SBNO2: variants seen among roughly 807,000 people sequenced by gnomAD.
The protein encoded by SBNO2 is strawberry notch homolog 2.
Under a neutral mutation model 146.3 loss-of-function variants are expected in SBNO2, and 89 were observed. The ratio of observed to expected loss-of-function variants is 0.61; its 90% CI spans 0.51 to 0.73. The LOEUF (loss-of-function observed/expected upper bound fraction) is 0.73, where lower values mean the gene tolerates loss of function less well. Ranked by LOEUF, SBNO2 falls within the 30% of genes least tolerant of loss-of-function variation. The probability of loss-of-function intolerance (pLI) is 0.00; values close to 1 mark genes in which losing one functional copy is unlikely to be tolerated. For synonymous variants in SBNO2, 1,147 were observed against 892.6 expected, an observed-to-expected ratio of 1.29 and a Z score of -5.08; for missense variants, 2,092 against 2,003.7, an observed-to-expected ratio of 1.04 and a Z score of -0.84.
rs1379386419 is a variant in SBNO2, at chr19:1,147,391, C to A, written c.197G>T (p.Gly66Val). Residue 66 changes from glycine (G) to valine (V), a missense_variant, in exon 4 of 32, where the codon GGC becomes GTC. Physicochemically the swap from Gly to Val is moderately radical, Grantham distance 109. Coordinates refer to ENST00000361757, the MANE Select transcript of SBNO2 (RefSeq NM_014963.3). ...GCTGGTGTCTGGGCAGGGCTGGCTG[C>A]CGAGGAAGGAGGCGGAGCTCATGAA... Reference protein sequence around the residue: ...RPFMSSASFLGSQPCPDTSYA... With the variant: ...RPFMSSASFLVSQPCPDTSYA... 6.6e-7 allele frequency: 1 copy of A among 1,513,960 alleles called. No individual in the cohort carries two copies. Among genetic ancestry groups the A allele is most frequent in the Admixed American group, 2.4e-5 (1 of 40,970 alleles). 93.8% of individuals were successfully genotyped at this position (1,513,960 alleles called of 1,614,324 possible).
rs2079848286 is a variant in SBNO2 at position 1,117,541 on chromosome 19, T to TGGCTCCC, written c.1528-49_1528-43dup. 5.9e-6 allele frequency: 9 copies of TGGCTCCC among 1,520,066 alleles called. No homozygotes were observed. The East Asian group carries it at 2.0e-4, about 33-fold the overall frequency. The allele number at this position is 1,520,066 out of a possible 1,614,324, so 94.2% of individuals were successfully genotyped here. A position where few individuals can be genotyped will look rare whatever the true frequency, so the allele number is the denominator to read the frequency against. On this transcript the variant is annotated intron_variant, in intron 14 of 31. Transcript: ENST00000361757. The stretch of plus-strand genomic sequence containing the variant: ...CAAGGCGCCCCTGAGCTGTGGCTCC[T>TGGCTCCC]GGCTCCCGACCCGGGCCCCGGCCCA...
rs531566388 is a variant in SBNO2 at position 1,140,784 on chromosome 19, G to A, written c.279+6525C>T. Among the ~76,000 whole-genome samples the A allele has an allele frequency of 3.3e-3, 495 of 151,878 alleles. No individual in the cohort carries two copies. Among genetic ancestry groups the A allele is most frequent in the Non-Finnish European group, 5.6e-3 (380 of 67,886 alleles). On this transcript the variant is annotated intron_variant, in intron 4 of 31. Coordinates refer to ENST00000361757, the MANE Select transcript of SBNO2 (RefSeq NM_014963.3). The surrounding 1 kb of genome is among the most constrained non-coding windows in gnomAD (Gnocchi z 4.4). ...CTTGGGCAGGACCAGCCTCTGCTCA[G>A]CCTTGGGTCTTCCCCCAGGCTGAGA... is the stretch of plus-strand genomic sequence containing the variant.
intron 4 of SBNO2, among the ~76,000 whole-genome samples, chr19:1,143,575 C>G (rs1189530301): frequency 6.6e-6 from 1 of 150,672 alleles, no homozygotes; most frequent in Non-Finnish European, 1.5e-5. Flanking sequence ...GCAGGTCCCT[C>G]CCGGGGGCTC....
chr19:1,132,006 G>C (rs1599850616), intron 4 of SBNO2: 12 of 1,077,368 alleles, frequency 1.1e-5, no homozygotes, highest in Non-Finnish European at 1.5e-5. Flanking sequence ...TGCTCCGGCA[G>C]GGGGCCCGGC....
At chr19:1,164,624 C>CAGG (rs1273769394) in intron 1 of SBNO2, among the ~76,000 whole-genome samples, 13 of 4,092 alleles carry the variant, frequency 3.2e-3, no homozygotes, top group African/African-American at 0.027. Context: ...GGAGGAGGAA[C>CAGG]AGGAGGAGGA....
Position 1,144,303 on chromosome 19 carries a change from G to A in SBNO2, c.279+3006C>T, listed in dbSNP as rs1326982643. On this transcript the variant is annotated intron_variant, in intron 4 of 31. Transcript: ENST00000361757. The surrounding 1 kb of genome is among the most constrained non-coding windows in gnomAD (Gnocchi z 4.1). Reference sequence around the variant, plus strand: ...CGGCCCACACTTGGCACCGGGGTCAGACTTCCTCCAAATGAAGTTCTGCTG... The same window carrying A: ...CGGCCCACACTTGGCACCGGGGTCAAACTTCCTCCAAATGAAGTTCTGCTG... 6.6e-6 allele frequency among the ~76,000 whole-genome samples: 1 copy of A among 152,214 alleles called. No individual in the cohort carries two copies. The highest frequency in any genetic ancestry group is 1.9e-4 in the East Asian group (1 of 5,202).
Position 1,158,264 on chromosome 19 carries a change from C to A in SBNO2, c.-126-3862G>T, listed in dbSNP as rs1206550228. On this transcript the variant is annotated intron_variant, in intron 1 of 31. Coordinates refer to ENST00000361757, the MANE Select transcript of SBNO2 (RefSeq NM_014963.3). This position sits in a 1 kb window ranked among gnomAD's most constrained non-coding sequence, Gnocchi z 9.9. Reference sequence around the variant, plus strand: ...CGCGCGCTCCGCCCTCAGACCCGAGCCGTCTGCAGATGGGGAGCTGTGTCC... The same window carrying A: ...CGCGCGCTCCGCCCTCAGACCCGAGACGTCTGCAGATGGGGAGCTGTGTCC... Among the ~76,000 whole-genome samples, 1 of 152,204 alleles carries A rather than the reference C, an allele frequency of 6.6e-6. No individual in the cohort carries two copies. The highest frequency in any genetic ancestry group is 6.5e-5 in the Admixed American group (1 of 15,270).
chr19:1,139,136 T>C (rs1286755061), intron 4 of SBNO2, among the ~76,000 whole-genome samples: 1 of 152,228 alleles, frequency 6.6e-6, no homozygotes, highest in African/African-American at 2.4e-5. Flanking sequence ...GGCCCCTTCA[T>C]GTGCCGGAAC....
In SBNO2 at chr19:1,110,911, C is replaced by CTCAGGCTG. The variant is rs1045198525; in HGVS notation, c.2885-31_2885-24dup. The CTCAGGCTG allele has an allele frequency of 6.2e-7, 1 of 1,612,110 alleles. No individual in the cohort carries two copies. The highest frequency in any genetic ancestry group is 8.5e-7 in the Non-Finnish European group (1 of 1,178,478). ...AGTCTGGTAGGGGAGGGAGCCAAGCCTCAGGCTGCGCTGGGAATCCCTCTC... is the reference window on the plus strand; with the variant it reads ...AGTCTGGTAGGGGAGGGAGCCAAGCCTCAGGCTGTCAGGCTGCGCTGGGAATCCCTCTC... On this transcript the variant is annotated intron_variant, in intron 25 of 31. Transcript: ENST00000361757. This position sits in a 1 kb window ranked among gnomAD's most constrained non-coding sequence, Gnocchi z 4.9.
rs781560511 is a variant in SBNO2 at position 1,112,325 on chromosome 19, G to A, written c.2516-24C>T. 3.8e-6 allele frequency: 6 copies of A among 1,571,308 alleles called. No individual in the cohort carries two copies. The South Asian group carries it at 5.8e-5, about 15-fold the overall frequency. ...GCCTGGGGGCAGAGCTGCTCTCAGG[G>A]CCCGGCCAGGCGGGGGCGGGGCCGA... On this transcript the variant is annotated intron_variant, in intron 21 of 31. Coordinates refer to ENST00000361757, the MANE Select transcript of SBNO2 (RefSeq NM_014963.3). This position sits in a 1 kb window ranked among gnomAD's most constrained non-coding sequence, Gnocchi z 5.9.
intron 1 of SBNO2, among the ~76,000 whole-genome samples, chr19:1,167,530 G>A (rs772159705): frequency 3.9e-5 from 6 of 152,170 alleles, no homozygotes; most frequent in Admixed American, 2.6e-4. Context: ...CCCCCATCAC[G>A]CCATCCCTCC....
rs766789895 is a variant in SBNO2, at chr19:1,116,032, C to T, written c.1874G>A (p.Ser625Asn). Residue 625 changes from serine (S) to asparagine (N), a missense_variant, in exon 17 of 32, where the codon AGC (serine) becomes AAC (asparagine). Coordinates refer to ENST00000361757, the MANE Select transcript of SBNO2 (RefSeq NM_014963.3). ...GGGGCAGGGCTTACGTTTCCGCTTGCTGCCCGCTCCTCTGTCCCGCTTTCT... is the reference window on the plus strand; with the variant it reads ...GGGGCAGGGCTTACGTTTCCGCTTGTTGCCCGCTCCTCTGTCCCGCTTTCT... Reference protein sequence around the residue: ...TKRKRDRGAGSKRKRRPRGRG... With the variant: ...TKRKRDRGAGNKRKRRPRGRG... The T allele has an allele frequency of 1.8e-5, 29 of 1,609,994 alleles. No homozygotes were observed. Among genetic ancestry groups the T allele is most frequent in the Non-Finnish European group, 2.5e-6 (3 of 1,179,090 alleles).
chr19:1,116,987 A>G, intron 15 of SBNO2, 61 bp from the exon 16 acceptor site: 1 of 1,456,292 alleles, frequency 6.9e-7, no homozygotes, highest in Non-Finnish European at 9.3e-7. Flanking sequence ...GTGGGGCCAG[A>G]ACCTGCCAGG....
At chr19:1,169,016 C>G (rs1277915862) in intron 1 of SBNO2, 1 of 152,272 alleles carries the variant, frequency 6.6e-6, no homozygotes, top group Non-Finnish European at 1.5e-5. Flanking sequence ...CCAAGGCCGC[C>G]TCTTTCGGTT....
At position 1,111,593 on chromosome 19, in the gene SBNO2, AG is replaced by A; in HGVS notation, c.2721del (p.Cys908ValfsTer7). 1 of 1,592,196 alleles carries A rather than the reference AG, an allele frequency of 6.3e-7. No individual in the cohort carries two copies. The highest frequency in any genetic ancestry group is 8.5e-7 in the Non-Finnish European group (1 of 1,169,716). ...FENKYGTRALHCVLTTILSQT... is the reference protein window; with the variant it reads ...FENKYGTRALXCVLTTILSQT... The stretch of plus-strand genomic sequence containing the variant: ...TGGCTCAGGATGGTGGTGAGGACAC[AG>A]TGCAGGGCCCGGGTGCCATACTAGG... On this transcript the variant is annotated frameshift_variant, in exon 24 of 32. Coordinates refer to ENST00000361757, the MANE Select transcript of SBNO2 (RefSeq NM_014963.3). LOFTEE classifies it high-confidence loss of function.
At chr19:1,171,572 G>A (rs974079326) in intron 1 of SBNO2, among the ~76,000 whole-genome samples, 2 of 152,166 alleles carry the variant, frequency 1.3e-5, no homozygotes, top group African/African-American at 4.8e-5. Flanking sequence ...GGGGGCCTCT[G>A]GGAGCCGGAC....
intron 2 of SBNO2, among the ~76,000 whole-genome samples, chr19:1,151,725 C>G (rs59937886): frequency 6.6e-6 from 1 of 152,086 alleles, no homozygotes; most frequent in African/African-American, 2.4e-5. Context: ...TGCAGTGGCA[C>G]GATCGTGGCT....
chr19:1,169,512 T>A (rs1038490783), intron 1 of SBNO2, among the ~76,000 whole-genome samples: 4 of 152,140 alleles, frequency 2.6e-5, no homozygotes, highest in African/African-American at 9.7e-5. Context: ...CCCCTTCGAG[T>A]AGAATGCAGC....
Position 1,108,159 on chromosome 19 carries a change from C to T in SBNO2, c.*61G>A. 1 of 1,457,012 alleles carries T rather than the reference C, an allele frequency of 6.9e-7. No homozygotes were observed. Among genetic ancestry groups the T allele is most frequent in the South Asian group, 1.3e-5 (1 of 78,128 alleles). 90.3% of individuals were successfully genotyped at this position (1,457,012 alleles called of 1,614,324 possible). On this transcript the variant is annotated 3_prime_UTR_variant, in exon 32 of 32. Coordinates refer to ENST00000361757, the MANE Select transcript of SBNO2 (RefSeq NM_014963.3). ...CAGGGGACCTTGGCCCTGCTCCCCA[C>T]CGCTGCTCCTAGGGGAGAAACGGTC...
Sources: gnomAD v4.1 joint callset for allele counts (sites outside exome capture counted in the v4.1 genomes callset) on GRCh38, gnomAD v4.1.1 for gene constraint, Gnocchi (gnomAD v3.1) non-coding constraint, MANE v1.5 for transcripts, NCBI Gene and HGNC (gene_info 2026-07-23, HGNC 2026-07-21) for gene names.